Variants in RIF1 observed in about 807,000 individuals in gnomAD.
RIF1 encodes replication timing regulatory factor 1, also known as telomere-associated protein RIF1.
In RIF1, 45 loss-of-function variants were observed where a neutral mutation model predicts 247.1. The observed-to-expected ratio is 0.18, with a 90% CI of 0.14 to 0.23. The LOEUF (loss-of-function observed/expected upper bound fraction) is 0.23, where lower values mean the gene tolerates loss of function less well. RIF1 is among the 10% of genes least tolerant of loss of function. RIF1 has a pLI of 1.00. For missense variants in RIF1, 2,967 were observed against 2,862.5 expected, an observed-to-expected ratio of 1.04 and a Z score of -0.83; for synonymous variants, 1,087 against 978.8, an observed-to-expected ratio of 1.11 and a Z score of -2.06.
Position 151,479,552 on chromosome 2 carries a change from A to G in RIF1, c.*4481A>G, listed in dbSNP as rs1349976854. 1 of 152,218 alleles carries G rather than the reference A, an allele frequency of 6.6e-6. No individual in the cohort carries two copies. The highest frequency in any genetic ancestry group is 1.5e-5 in the Non-Finnish European group (1 of 68,022). The allele number at this position is 152,218 out of a possible 1,614,324, so 9.4% of individuals were successfully genotyped here. Reference sequence around the variant, plus strand: ...TAATATTAATCTGGCAGTTAAATTTAGTAGTGCTATAATGAATAAGTCAGT... The same window carrying G: ...TAATATTAATCTGGCAGTTAAATTTGGTAGTGCTATAATGAATAAGTCAGT... On this transcript the variant is annotated 3_prime_UTR_variant, in exon 36 of 36. Transcript: ENST00000444746.
downstream of RIF1, chr2:151,508,168 G>T (rs1370069031): frequency 1.7e-6 from 2 of 1,180,790 alleles, no homozygotes; most frequent in Non-Finnish European, 2.4e-6. Context: ...AGGCCAATGG[G>T]ACCTAAAATA....
rs767734139 is a variant in RIF1, at chr2:151,469,713, C to A, written c.6944C>A (p.Ala2315Glu). The A allele has an allele frequency of 3.9e-6, 6 of 1,554,006 alleles. No homozygotes were observed. The South Asian group carries it at 6.3e-5, about 16-fold the overall frequency. The change falls in exon 34 of 36, where the codon GCA becomes GAA. Residue 2315 changes from alanine (A) to glutamate (E), a missense_variant and splice_region_variant. Physicochemically the swap from Ala to Glu is moderately radical, Grantham distance 107. Transcript: ENST00000444746. The stretch of plus-strand genomic sequence containing the variant: ...TTTCCTGTTTCTGTTTTGTTTAGGG[C>A]AAGAGGCCTGGGACAACTCATTAGA... ...ILPQITSNMW[A>E]RGLGQLIRAK...
At chr2:151,497,555 G>GTAT (rs1559214618) in intron 10 of RIF1, 9 of 1,525,722 alleles carry the variant, frequency 5.9e-6, no homozygotes, top group Middle Eastern at 1.7e-4. Flanking sequence ...GGATTAATAC[G>GTAT]TATTATTTTA....
At chr2:151,527,729 G>T in the RIF1 span, 6 of 641,782 alleles carry the variant, frequency 9.3e-6, no homozygotes, top group South Asian at 1.0e-4. Context: ...TGAAATTTCT[G>T]TACAATTTAT....
chr2:151,447,598 T>A (rs541188568), intron 20 of RIF1, among the ~76,000 whole-genome samples: 5 of 152,236 alleles, frequency 3.3e-5, no homozygotes, highest in African/African-American at 4.8e-5. Flanking sequence ...CAGGCTTGAG[T>A]GCAGTGGCAC....
intron 7 of RIF1, among the ~76,000 whole-genome samples, chr2:151,420,882 CTATT>C (rs758865793): frequency 6.6e-6 from 1 of 152,046 alleles, no homozygotes; most frequent in Non-Finnish European, 1.5e-5. Flanking sequence ...AGGGAGCTAT[CTATT>C]GTTGCTAAAA....
At chr2:151,494,287 A>G in intron 9 of RIF1, 1 of 1,417,426 alleles carries the variant, frequency 7.1e-7, no homozygotes, top group African/African-American at 1.4e-5. Context: ...AAAGCCAAAA[A>G]GAAAAAGAGT....
Position 151,463,302 on chromosome 2 carries a change from T to C in RIF1, c.3782T>C (p.Phe1261Ser). The C allele has an allele frequency of 6.2e-7, 1 of 1,612,910 alleles. No homozygotes were observed. The highest frequency in any genetic ancestry group is 8.5e-7 in the Non-Finnish European group (1 of 1,179,748). Residue 1261 changes from phenylalanine (F) to serine (S), a missense_variant, in exon 30 of 36, where the codon TTT becomes TCT. By Grantham distance (155) the Phe-to-Ser change is radical. Transcript: ENST00000444746. Reference protein sequence around the residue: ...NNQETMIKTDFLPKAKQREGT... With the variant: ...NNQETMIKTDSLPKAKQREGT... ...CAGGAAACCATGATTAAAACAGATT[T>C]TCTACCAAAAGCAAAGCAAAGAGAA... is the stretch of plus-strand genomic sequence containing the variant.
rs530181892 is a variant in RIF1, at chr2:151,411,454, T to TGGCTCA, written c.183+122_183+127dup. On this transcript the variant is annotated intron_variant, in intron 3 of 35. Coordinates refer to ENST00000444746, the MANE Select transcript of RIF1 (RefSeq NM_018151.5). ...TCTTGTTGCCCAGGCGAGAGTGCAATGGCTCAGGCTCGGGCTCGGCTCACT... is the reference window on the plus strand; with the variant it reads ...TCTTGTTGCCCAGGCGAGAGTGCAATGGCTCAGGCTCAGGCTCGGGCTCGGCTCACT... 444 of 628,806 alleles carry TGGCTCA rather than the reference T, an allele frequency of 7.1e-4. 3 individuals carry two copies. Among genetic ancestry groups the TGGCTCA allele is most frequent in the African/African-American group, 6.9e-3 (369 of 53,114 alleles). 39.0% of individuals were successfully genotyped at this position (628,806 alleles called of 1,614,324 possible). A position where few individuals can be genotyped will look rare whatever the true frequency, so the allele number is the denominator to read the frequency against.
chr2:151,472,855 G>T (rs1441279991), intron 34 of RIF1, among the ~76,000 whole-genome samples: 2 of 152,130 alleles, frequency 1.3e-5, no homozygotes, highest in Non-Finnish European at 2.9e-5. Flanking sequence ...GTCTCTGCCA[G>T]GCTTTGGTAT....
intron 11 of RIF1, among the ~76,000 whole-genome samples, chr2:151,501,960 A>T (rs983129643): frequency 2.0e-5 from 3 of 152,216 alleles, no homozygotes; most frequent in African/African-American, 7.2e-5. Flanking sequence ...CTTACATAGC[A>T]TACAAAAAAT....
At chr2:151,421,045 C>T (rs1289949197) in intron 7 of RIF1, among the ~76,000 whole-genome samples, 1 of 152,190 alleles carries the variant, frequency 6.6e-6, no homozygotes, top group African/African-American at 2.4e-5. Flanking sequence ...TACCTAGTCT[C>T]TATAGTTTTC....
chr2:151,435,330 T>G (rs1255473482), intron 10 of RIF1, 133 bp from the exon 11 acceptor site: 2 of 625,916 alleles, frequency 3.2e-6, no homozygotes, highest in Non-Finnish European at 5.7e-6. Context: ...CTTTTTAGCC[T>G]GTTTGTGCAT....
At chr2:151,447,385 A>G (rs1311562088) in intron 20 of RIF1, among the ~76,000 whole-genome samples, 1 of 152,254 alleles carries the variant, frequency 6.6e-6, no homozygotes, top group Non-Finnish European at 1.5e-5. Flanking sequence ...ATTCTTGCCA[A>G]TGAAATCCTT....
chr2:151,459,016 C>T, intron 25 of RIF1, 106 bp downstream of exon 25: 1 of 629,976 alleles, frequency 1.6e-6, no homozygotes, highest in Non-Finnish European at 2.7e-6. Flanking sequence ...GTAACATAGG[C>T]TTTTTCCACA....
rs755408282 is a variant in RIF1 at position 151,493,464 on chromosome 2, C to T, written c.*416-1765C>T. 1 of 1,503,934 alleles carries T rather than the reference C, an allele frequency of 6.6e-7. No individual in the cohort carries two copies. Among genetic ancestry groups the T allele is most frequent in the Non-Finnish European group, 9.1e-7 (1 of 1,104,856 alleles). 93.2% of individuals were successfully genotyped at this position (1,503,934 alleles called of 1,614,324 possible). ...ACAATACCTAGGGAAGCCAAAAGAG[C>T]ATCTAGGCATCAGACAGCAGAAAAC... On this transcript the variant is annotated intron_variant and NMD_transcript_variant, in intron 9 of 13. Coordinates refer to the RIF1 transcript ENST00000454583.
At chr2:151,462,349 A>C (rs377341152) in intron 28 of RIF1, 27 bp downstream of exon 28, 2 of 1,497,764 alleles carry the variant, frequency 1.3e-6, no homozygotes, top group Non-Finnish European at 1.8e-6. Flanking sequence ...TCAAACTTTT[A>C]TATCTGTTTT....
At chr2:151,495,925 G>A (rs1178788076) in intron 10 of RIF1, among the ~76,000 whole-genome samples, 1 of 152,076 alleles carries the variant, frequency 6.6e-6, no homozygotes, top group Non-Finnish European at 1.5e-5. Flanking sequence ...AGAAAGAGCC[G>A]CATTGGACCT....
chr2:151,464,629 A>G lies in RIF1; in HGVS notation c.5109A>G (p.Ser1703=), dbSNP rs753006256. The part of the protein sequence containing the change: ...SLGESSKIGI[S]DISSLSEKTF... The stretch of plus-strand genomic sequence containing the variant: ...GAGAATCCTCAAAAATAGGGATATC[A>G]GATATTTCTTCGCTTTCAGAAAAAA... Residue 1703 remains serine (S), a synonymous_variant, in exon 30 of 36, where the codon TCA becomes TCG. Coordinates refer to ENST00000444746, the MANE Select transcript of RIF1 (RefSeq NM_018151.5). 11 of 1,613,764 alleles carry G rather than the reference A, an allele frequency of 6.8e-6. No individual in the cohort carries two copies. The highest frequency in any genetic ancestry group is 1.1e-5 in the South Asian group (1 of 91,008).
Sources: allele counts gnomAD v4.1 joint callset (sites outside exome capture counted in the v4.1 genomes callset), GRCh38; gene constraint gnomAD v4.1.1; transcripts MANE v1.5; gene names NCBI Gene and HGNC (gene_info 2026-07-23, HGNC 2026-07-21).